CNOT10: variants seen among roughly 807,000 people sequenced by gnomAD.
The protein encoded by CNOT10 is CCR4-NOT transcription complex subunit 10.
Under a neutral mutation model 94.6 loss-of-function variants are expected in CNOT10, and 30 were observed. The ratio of observed to expected loss-of-function variants is 0.32; its 90% confidence interval spans 0.24 to 0.43. The LOEUF (loss-of-function observed/expected upper bound fraction) is 0.43. CNOT10 is among the 20% of genes least tolerant of loss of function. CNOT10 has a pLI of 1.00. For missense variants in CNOT10, 759 were observed against 877.2 expected, an observed-to-expected ratio of 0.87 and a Z score of 1.70; for synonymous variants, 289 against 301.6, an observed-to-expected ratio of 0.96 and a Z score of 0.43.
chr3:32,693,225 TA>T (rs1696920669), intron 1 of CNOT10, among the ~76,000 whole-genome samples: 1 of 152,138 alleles, frequency 6.6e-6, no homozygotes, highest in Non-Finnish European at 1.5e-5. Context: ...TAAATTTAAT[TA>T]ATTTTTTTGA....
intron 12 of CNOT10, among the ~76,000 whole-genome samples, chr3:32,736,848 T>G (rs1699209778): frequency 6.6e-6 from 1 of 152,142 alleles, no homozygotes; most frequent in African/African-American, 2.4e-5. Context: ...ATTCAGTTAT[T>G]TCCCTTTTGT....
intron 3 of CNOT10, 49 bp downstream of exon 3, chr3:32,705,021 A>T: frequency 8.1e-7 from 1 of 1,239,088 alleles, no homozygotes; most frequent in Non-Finnish European, 1.1e-6. Context: ...CTGTTCTTTA[A>T]TTTATGAAAC....
At chr3:32,754,515 TTAC>T (rs1700133467) in intron 13 of CNOT10, among the ~76,000 whole-genome samples, 2 of 110,004 alleles carry the variant, frequency 1.8e-5, no homozygotes, top group African/African-American at 8.1e-5. Context: ...TATATTTATT[TTAC>T]TTTTTTTTTT....
chr3:32,706,625 G>A (rs1239071795), intron 3 of CNOT10, among the ~76,000 whole-genome samples: 1 of 152,116 alleles, frequency 6.6e-6, no homozygotes, highest in East Asian at 1.9e-4. Flanking sequence ...ATTTTGGTGA[G>A]TCATAGAATA....
At chr3:32,752,750 C>T (rs936443533) in intron 13 of CNOT10, among the ~76,000 whole-genome samples, 10 of 151,970 alleles carry the variant, frequency 6.6e-5, no homozygotes, top group South Asian at 4.1e-4. Flanking sequence ...CCGAGGTGGG[C>T]GGATCACCTG....
At chr3:32,741,153 A>G (rs1180571947) in intron 13 of CNOT10, among the ~76,000 whole-genome samples, 1 of 152,200 alleles carries the variant, frequency 6.6e-6, no homozygotes, top group African/African-American at 2.4e-5. Flanking sequence ...AAAATGTTAT[A>G]TAAATGGAAT....
chr3:32,739,207 G>GT (rs1376062459), intron 13 of CNOT10, among the ~76,000 whole-genome samples: 1 of 151,912 alleles, frequency 6.6e-6, no homozygotes, highest in East Asian at 1.9e-4. Context: ...CGCCCGGCCA[G>GT]TTTTCATTTG....
intron 1 of CNOT10, among the ~76,000 whole-genome samples, chr3:32,688,831 C>T (rs1696731493): frequency 6.6e-6 from 1 of 152,058 alleles, no homozygotes; most frequent in Non-Finnish European, 1.5e-5. Flanking sequence ...GGGAGGATTG[C>T]TTGTACCTAG....
chr3:32,720,176 C>T lies in CNOT10; in HGVS notation c.807C>T (p.Ala269=). 6 of 1,557,926 alleles carry T rather than the reference C, an allele frequency of 3.9e-6. No individual in the cohort carries two copies. The highest frequency in any genetic ancestry group is 4.4e-6 in the Non-Finnish European group (5 of 1,139,780). The change falls in exon 8 of 19, where the codon GCC becomes GCT. Residue 269 remains alanine (A), a synonymous_variant. Transcript: ENST00000328834. The part of the protein sequence containing the change: ...FEYLRGNYRK[A]VKLLNSSNIA... ...ACTTAAGAGGTAATTATCGAAAAGC[C>T]GTGAAGCTATTAAATAGTTCAAACA...
chr3:32,711,976 T>C (rs1263810146), intron 4 of CNOT10, among the ~76,000 whole-genome samples: 1 of 152,198 alleles, frequency 6.6e-6, no homozygotes, highest in South Asian at 2.1e-4. Context: ...TTTTCTCTTC[T>C]AGACCTTATT....
chr3:32,689,667 C>T (rs529062248), intron 1 of CNOT10, among the ~76,000 whole-genome samples: 2 of 152,262 alleles, frequency 1.3e-5, no homozygotes, highest in South Asian at 4.1e-4. Flanking sequence ...TGACAAGAGA[C>T]ACTCAACACA....
chr3:32,687,286 G>A (rs77497891), intron 1 of CNOT10, among the ~76,000 whole-genome samples: 3,168 of 149,972 alleles, frequency 0.021, 46 homozygotes, highest in East Asian at 0.047. Context: ...CCTCACTGTC[G>A]CCCCCCGCTT....
chr3:32,755,862 C>T (rs908728654), intron 13 of CNOT10, among the ~76,000 whole-genome samples: 30 of 150,478 alleles, frequency 2.0e-4, no homozygotes, highest in African/African-American at 7.1e-4. Context: ...GGGGTTTTGT[C>T]AGATCCTCCA....
At chr3:32,694,734 T>G (rs12486389) in intron 1 of CNOT10, among the ~76,000 whole-genome samples, 62,627 of 151,814 alleles carry the variant, frequency 0.41, 15,386 homozygotes, top group Non-Finnish European at 0.53. Context: ...GGATTATAGG[T>G]GCGCACCACC....
intron 1 of CNOT10, among the ~76,000 whole-genome samples, chr3:32,693,806 T>A (rs932529247): frequency 2.0e-5 from 3 of 152,188 alleles, no homozygotes; most frequent in African/African-American, 7.2e-5. Flanking sequence ...CCTCCCAAAG[T>A]GCTGGGATTA....
In CNOT10 at chr3:32,764,425, C is replaced by T. The variant is rs1239311489; in HGVS notation, c.1841-30C>T. 6.2e-6 allele frequency: 10 copies of T among 1,610,798 alleles called. No homozygotes were observed. In the East Asian group the frequency reaches 1.8e-4, roughly 29 times the overall value. On this transcript the variant is annotated intron_variant, in intron 15 of 18. Transcript: ENST00000328834. ...AAAGAAAATATGCTCTGTTGTTCTG[C>T]CCCTCAGATTTATTTTCGTGTTTTT...
intron 9 of CNOT10, among the ~76,000 whole-genome samples, chr3:32,726,529 C>T (rs1425877255): frequency 6.6e-6 from 1 of 151,732 alleles, no homozygotes; most frequent in Non-Finnish European, 1.5e-5. Context: ...CCTGTCTCTA[C>T]TAAAAATACA....
chr3:32,722,213 C>G (rs932194313), intron 8 of CNOT10, among the ~76,000 whole-genome samples: 4 of 152,140 alleles, frequency 2.6e-5, no homozygotes, highest in African/African-American at 9.7e-5. Flanking sequence ...CCCAGATACA[C>G]GCACAGAATA....
In CNOT10 at chr3:32,708,469, A is replaced by G. The variant is rs565873064; in HGVS notation, c.280-201A>G. 2.0e-5 allele frequency among the ~76,000 whole-genome samples: 3 copies of G among 152,262 alleles called. No individual in the cohort carries two copies. The South Asian group carries it at 6.2e-4, about 32-fold the overall frequency. On this transcript the variant is annotated intron_variant, in intron 3 of 18. Coordinates refer to ENST00000328834, the MANE Select transcript of CNOT10 (RefSeq NM_015442.3). ...AGTCTCATGAAAACATTTTACCTAA[A>G]ATTTTATTATGTGTGGCACAGAAGA...
Sources: allele counts gnomAD v4.1 joint callset (sites outside exome capture counted in the v4.1 genomes callset), GRCh38; gene constraint gnomAD v4.1.1; transcripts MANE v1.5; gene names NCBI Gene and HGNC (gene_info 2026-07-23, HGNC 2026-07-21).